Variants in AK3 observed in about 807,000 individuals in gnomAD.
AK3 encodes the protein adenylate kinase 3, also known as GTP:AMP phosphotransferase AK3, mitochondrial.
Under a neutral mutation model 23.7 loss-of-function variants are expected in AK3, and 27 were observed. That is an observed-to-expected ratio of 1.14 (90% CI 0.84 to 1.57). The LOEUF (loss-of-function observed/expected upper bound fraction) is 1.57, where lower values mean the gene tolerates loss of function less well. Among genes scored for constraint, AK3 ranks in the 40% most tolerant of loss-of-function variants. The pLI is 0.00. For missense variants in AK3, 406 were observed against 285.6 expected, an observed-to-expected ratio of 1.42 and a Z score of -3.04; for synonymous variants, 159 against 116.0, an observed-to-expected ratio of 1.37 and a Z score of -2.38.
At chr9:4,721,983 G>A (rs767878547) in intron 2 of AK3, among the ~76,000 whole-genome samples, 4 of 152,218 alleles carry the variant, frequency 2.6e-5, no homozygotes, top group Admixed American at 6.5e-5. Flanking sequence ...TTGAGTAGGA[G>A]AGAAGACTAG....
chr9:4,715,202 G>C (rs939403694), intron 4 of AK3, among the ~76,000 whole-genome samples: 5 of 127,970 alleles, frequency 3.9e-5, no homozygotes, highest in African/African-American at 1.5e-4. Context: ...CTGAGAGAGA[G>C]TGAGACTCCG....
intron 3 of AK3, among the ~76,000 whole-genome samples, chr9:4,718,895 T>A (rs1179897137): frequency 6.6e-6 from 1 of 152,164 alleles, no homozygotes. Context: ...CCTAACACAC[T>A]CCTTGGCAGA....
chr9:4,737,386 G>A (rs975434621), intron 1 of AK3, among the ~76,000 whole-genome samples: 2 of 152,068 alleles, frequency 1.3e-5, no homozygotes, highest in African/African-American at 2.4e-5. Context: ...AGAAATCTAT[G>A]TTTTCACCCT....
intron 1 of AK3, among the ~76,000 whole-genome samples, chr9:4,723,710 A>C (rs1226831241): frequency 6.6e-6 from 1 of 152,198 alleles, no homozygotes; most frequent in Admixed American, 6.5e-5. Context: ...ACCATATTAC[A>C]CTCCAAATAT....
intron 3 of AK3, 109 bp downstream of exon 3, chr9:4,719,026 C>G: frequency 8.3e-7 from 1 of 1,205,980 alleles, no homozygotes; most frequent in Admixed American, 2.1e-5. Context: ...GAGAATATAC[C>G]CTCAGGAGTT....
At position 4,719,153 on chromosome 9, in the gene AK3, G is replaced by A. The variant is rs753758891; in HGVS notation, c.426C>T (p.Phe142=). The A allele has an allele frequency of 1.9e-6, 3 of 1,611,750 alleles. No homozygotes were observed. The highest frequency in any genetic ancestry group is 2.5e-6 in the Non-Finnish European group (3 of 1,179,826). ...TACTCACCACAGTTTTGGGAGGGTT[G>A]AATTCAATGTTATAGACTCGGCCAC... is the stretch of plus-strand genomic sequence containing the variant. The part of the protein sequence containing the change: ...PASGRVYNIE[F]NPPKTVGIDD... The change falls in exon 3 of 5, where the codon TTC becomes TTT. Residue 142 remains phenylalanine (F), a synonymous_variant. Transcript: ENST00000381809.
intron 1 of AK3, among the ~76,000 whole-genome samples, chr9:4,727,597 G>C (rs1842048357): frequency 6.6e-6 from 1 of 152,172 alleles, no homozygotes; most frequent in South Asian, 2.1e-4. Context: ...TGGCTGGTCT[G>C]ATCTTCTTTC....
In AK3 at chr9:4,741,030, T is replaced by C. The variant is rs1169595294; in HGVS notation, c.58A>G (p.Lys20Glu). The C allele has an allele frequency of 1.9e-6, 3 of 1,584,504 alleles. No homozygotes were observed. Among genetic ancestry groups the C allele is most frequent in the Non-Finnish European group, 1.7e-6 (2 of 1,167,748 alleles). Residue 20 changes from lysine to glutamate, a missense_variant, in exon 1 of 5, where the codon AAG (lysine) becomes GAG (glutamate). Physicochemically the swap from Lys to Glu is moderately conservative, Grantham distance 56. Coordinates refer to ENST00000381809, the MANE Select transcript of AK3 (RefSeq NM_016282.4). ...AVIMGAPGSG[K>E]GTVSSRITTH... Reference sequence around the variant, plus strand: ...GTGATGCGCGACGACACGGTGCCCTTGCCCGAGCCCGGGGCCCCCATGATC... The same window carrying C: ...GTGATGCGCGACGACACGGTGCCCTCGCCCGAGCCCGGGGCCCCCATGATC...
At chr9:4,722,340 G>A (rs1234675828) in intron 2 of AK3, among the ~76,000 whole-genome samples, 166 bp downstream of exon 2, 1 of 152,148 alleles carries the variant, frequency 6.6e-6, no homozygotes, top group Non-Finnish European at 1.5e-5. Context: ...CTTTCCATTT[G>A]GATATAGAAC....
intron 1 of AK3, among the ~76,000 whole-genome samples, chr9:4,740,169 A>C (rs1213301631): frequency 1.3e-5 from 2 of 152,162 alleles, no homozygotes; most frequent in African/African-American, 4.8e-5. Context: ...TATTTTGAAA[A>C]GTAAGGTCAA....
At position 4,713,147 on chromosome 9, in the gene AK3, A is replaced by C. The variant is rs1445029371; in HGVS notation, c.564-51T>G. 2.5e-6 allele frequency: 4 copies of C among 1,595,898 alleles called. No individual in the cohort carries two copies. The African/African-American group carries it at 4.1e-5, about 16-fold the overall frequency. On this transcript the variant is annotated intron_variant, in intron 4 of 4. Transcript: ENST00000381809. ...AACACACACAGGTCTGAGTCTTCCTAATAAGCTCTTTCAAAGCCTTTCTGT... is the reference window on the plus strand; with the variant it reads ...AACACACACAGGTCTGAGTCTTCCTCATAAGCTCTTTCAAAGCCTTTCTGT...
intron 1 of AK3, among the ~76,000 whole-genome samples, chr9:4,728,094 T>A (rs899192851): frequency 5.3e-5 from 8 of 152,122 alleles, no homozygotes; most frequent in African/African-American, 1.9e-4. Flanking sequence ...ACAGATATAA[T>A]AATAATGAAA....
intron 1 of AK3, among the ~76,000 whole-genome samples, chr9:4,724,395 A>T (rs1841974230): frequency 6.6e-6 from 1 of 152,190 alleles, no homozygotes; most frequent in Admixed American, 6.5e-5. Flanking sequence ...ATGGGTTAGA[A>T]GATGGGGTTA....
intron 1 of AK3, among the ~76,000 whole-genome samples, chr9:4,734,920 T>C (rs937112809): frequency 1.1e-4 from 17 of 152,226 alleles, no homozygotes; most frequent in East Asian, 7.7e-4. Context: ...TATTGTATGA[T>C]TGCATTTGTA....
intron 2 of AK3, among the ~76,000 whole-genome samples, 156 bp from the exon 3 acceptor site, chr9:4,719,463 C>T (rs925999924): frequency 2.0e-5 from 3 of 152,076 alleles, no homozygotes; most frequent in Non-Finnish European, 2.9e-5. Flanking sequence ...ATCACAGCTG[C>T]GGTGCAACTG....
At position 4,737,674 on chromosome 9, in the gene AK3, G is replaced by A. The variant is rs547316925; in HGVS notation, c.151+3263C>T. ...TCGGAGGTCGCAGTAAGCCGAGATC[G>A]TGCCACTGCACTCCAGCCTGGGCGA... On this transcript the variant is annotated intron_variant, in intron 1 of 4. Coordinates refer to ENST00000381809, the MANE Select transcript of AK3 (RefSeq NM_016282.4). 3.3e-5 allele frequency among the ~76,000 whole-genome samples: 5 copies of A among 152,252 alleles called. No individual in the cohort carries two copies. The South Asian group carries it at 8.3e-4, about 25-fold the overall frequency.
At chr9:4,721,923 G>A (rs1841908006) in intron 2 of AK3, among the ~76,000 whole-genome samples, 4 of 152,198 alleles carry the variant, frequency 2.6e-5, no homozygotes, top group Admixed American at 2.6e-4. Context: ...GGCTTGGCAA[G>A]GGCAACACTG....
Position 4,736,351 on chromosome 9 carries a change from A to G in AK3, c.151+4586T>C, listed in dbSNP as rs187693855. Reference sequence around the variant, plus strand: ...TCTGTGTTTTAAAAAACACATACACAAAGAGAAGCATAGGTAAACATTTGA... The same window carrying G: ...TCTGTGTTTTAAAAAACACATACACGAAGAGAAGCATAGGTAAACATTTGA... On this transcript the variant is annotated intron_variant, in intron 1 of 4. Transcript: ENST00000381809. Among the ~76,000 whole-genome samples, 273 of 152,242 alleles carry G rather than the reference A, an allele frequency of 1.8e-3. 3 individuals carry two copies. In the East Asian group the frequency reaches 0.044, roughly 25 times the overall value.
At chr9:4,736,233 T>A (rs962843551) in intron 1 of AK3, among the ~76,000 whole-genome samples, 2 of 152,004 alleles carry the variant, frequency 1.3e-5, no homozygotes, top group Non-Finnish European at 2.9e-5. Context: ...TAATTATATC[T>A]CAATAAAGCT....
Sources: gnomAD v4.1 joint callset for allele counts (sites outside exome capture counted in the v4.1 genomes callset) on GRCh38, gnomAD v4.1.1 for gene constraint, MANE v1.5 for transcripts, NCBI Gene and HGNC (gene_info 2026-07-23, HGNC 2026-07-21) for gene names.